The following LRRC7 variants were observed in gnomAD, a reference collection of about 807,000 sequenced individuals.
LRRC7 encodes the protein leucine-rich repeat-containing protein 7.
Under a neutral mutation model 175.7 loss-of-function variants are expected in LRRC7, and 23 were observed. The ratio of observed to expected loss-of-function variants is 0.13; its 90% CI spans 0.09 to 0.19. The LOEUF is 0.19. Among genes scored for constraint, LRRC7 ranks in the 10% least tolerant of loss-of-function variants. The pLI is 1.00. For synonymous variants in LRRC7, 685 were observed against 680.9 expected (o/e 1.01, Z -0.09); for missense variants, 1,354 against 1,904.7 (o/e 0.71, Z 5.38).
At chr1:69,581,532 AG>A (rs1165770864) in intron 1 of LRRC7, among the ~76,000 whole-genome samples, 2 of 152,196 alleles carry the variant, frequency 1.3e-5, no homozygotes, top group South Asian at 4.1e-4. Context: ...GAATCTGGAG[AG>A]GGAACTAATT....
intron 2 of LRRC7, among the ~76,000 whole-genome samples, chr1:69,682,188 T>A (rs1660573612): frequency 6.6e-6 from 1 of 152,098 alleles, no homozygotes; most frequent in Non-Finnish European, 1.5e-5. Flanking sequence ...ATTTACTCCC[T>A]CTTCTCAGGG....
At chr1:69,592,825 C>G (rs116670484) in intron 1 of LRRC7, among the ~76,000 whole-genome samples, 2 of 151,992 alleles carry the variant, frequency 1.3e-5, no homozygotes, top group African/African-American at 4.8e-5. Context: ...AAATAAGGAA[C>G]GTGTGGATGA....
chr1:69,961,907 C>T (rs1274971918), intron 8 of LRRC7, among the ~76,000 whole-genome samples: 1 of 152,044 alleles, frequency 6.6e-6, no homozygotes, highest in East Asian at 1.9e-4. Context: ...GGCTACAGTA[C>T]CATTCAGGAC....
chr1:69,776,863 G>T (rs1487031388), intron 3 of LRRC7, among the ~76,000 whole-genome samples: 1 of 151,918 alleles, frequency 6.6e-6, no homozygotes, highest in Non-Finnish European at 1.5e-5. Flanking sequence ...GTGTGGGTTT[G>T]ATATTTATTG....
chr1:70,102,983 C>T (rs1364323936), intron 25 of LRRC7, among the ~76,000 whole-genome samples: 3 of 152,068 alleles, frequency 2.0e-5, no homozygotes, highest in Admixed American at 6.6e-5. Flanking sequence ...AATCCCAGGA[C>T]TTTGGGAGGC....
At chr1:69,817,667 A>C (rs934148573) in intron 4 of LRRC7, among the ~76,000 whole-genome samples, 13 of 152,120 alleles carry the variant, frequency 8.5e-5, no homozygotes, top group African/African-American at 3.1e-4. Context: ...TCTGTAAAAA[A>C]AGTCATTGGG....
At chr1:69,861,612 T>C (rs554279288) in intron 7 of LRRC7, among the ~76,000 whole-genome samples, 1 of 152,236 alleles carries the variant, frequency 6.6e-6, no homozygotes, top group Non-Finnish European at 1.5e-5. Context: ...AAAGTTGAGT[T>C]CATCCAAGGA....
intron 23 of LRRC7, among the ~76,000 whole-genome samples, chr1:70,069,059 T>C (rs1410052686): frequency 6.6e-6 from 1 of 152,212 alleles, no homozygotes; most frequent in Non-Finnish European, 1.5e-5. Flanking sequence ...TCAAGTTATC[T>C]ATATTTTATA....
chr1:69,835,465 G>A (rs1304517103), intron 6 of LRRC7, among the ~76,000 whole-genome samples: 1 of 151,818 alleles, frequency 6.6e-6, no homozygotes, highest in Non-Finnish European at 1.5e-5. Context: ...AAAAAAGTCT[G>A]TCTTCACAAA....
At chr1:69,963,420 G>T (rs910124745) in intron 8 of LRRC7, among the ~76,000 whole-genome samples, 2 of 152,176 alleles carry the variant, frequency 1.3e-5, no homozygotes, top group Non-Finnish European at 2.9e-5. Flanking sequence ...TTTCCTTCAG[G>T]CTGGAGGGAA....
intron 3 of LRRC7, among the ~76,000 whole-genome samples, chr1:69,774,285 G>A (rs1345708646): frequency 6.6e-6 from 1 of 152,190 alleles, no homozygotes; most frequent in Non-Finnish European, 1.5e-5. Context: ...TTTATCCGAT[G>A]TGCTTTACAT....
intron 7 of LRRC7, among the ~76,000 whole-genome samples, chr1:69,889,470 A>T (rs1168043791): frequency 1.3e-5 from 2 of 152,284 alleles, no homozygotes; most frequent in East Asian, 3.9e-4. Context: ...TTGTCATTTC[A>T]ACAATGTTCA....
chr1:69,855,744 T>C (rs4420039), intron 7 of LRRC7, among the ~76,000 whole-genome samples: 71,562 of 151,574 alleles, frequency 0.47, 17,181 homozygotes, highest in East Asian at 0.55. Flanking sequence ...TCTCCCATCA[T>C]TATTGTGTGG....
intron 7 of LRRC7, among the ~76,000 whole-genome samples, chr1:69,885,565 C>T (rs1687100870): frequency 7.8e-6 from 1 of 128,592 alleles, no homozygotes; most frequent in Non-Finnish European, 1.6e-5. Context: ...TGCAAAAAAC[C>T]AGCTCCTGGA....
intron 1 of LRRC7, among the ~76,000 whole-genome samples, chr1:69,620,624 G>T (rs1034388941): frequency 2.0e-5 from 3 of 152,162 alleles, no homozygotes; most frequent in Non-Finnish European, 4.4e-5. Flanking sequence ...GAATACTAGT[G>T]AGCACTGACC....
chr1:69,978,222 G>A (rs958466652), intron 8 of LRRC7, among the ~76,000 whole-genome samples: 1 of 151,712 alleles, frequency 6.6e-6, no homozygotes, highest in Admixed American at 6.6e-5. Context: ...GGCAGAGGTT[G>A]CAGTGAGCTG....
At position 69,660,614 on chromosome 1, in the gene LRRC7, A is replaced by G. The variant is rs11802550; in HGVS notation, c.3-17767A>G. Among the ~76,000 whole-genome samples, 574 of 152,224 alleles carry G rather than the reference A, an allele frequency of 3.8e-3. 5 individuals carry two copies. The highest frequency in any genetic ancestry group is 0.013 in the African/African-American group (547 of 41,552). On this transcript the variant is annotated intron_variant, in intron 1 of 26. Transcript: ENST00000651989. ...CAGGAAAGGCCCCTGAAAAAGTAAC[A>G]TTTGAATAAGGACTTAATGAAGGGA...
intron 4 of LRRC7, among the ~76,000 whole-genome samples, chr1:69,814,307 G>GA (rs1678323552): frequency 6.6e-6 from 1 of 152,052 alleles, no homozygotes; most frequent in Non-Finnish European, 1.5e-5. Context: ...TTTGAAAAAT[G>GA]AAAATCATAT....
intron 3 of LRRC7, among the ~76,000 whole-genome samples, chr1:69,776,977 A>G (rs539508267): frequency 1.2e-4 from 19 of 152,260 alleles, no homozygotes; most frequent in African/African-American, 3.9e-4. Context: ...ATGGCCCTCA[A>G]TGGAGTCTTC....
Sources: allele counts gnomAD v4.1 joint callset (sites outside exome capture counted in the v4.1 genomes callset), GRCh38; gene constraint gnomAD v4.1.1; transcripts MANE v1.5; gene names NCBI Gene and HGNC (gene_info 2026-07-23, HGNC 2026-07-21).